The following TIAM2 variants were observed in gnomAD, a reference collection of about 807,000 sequenced individuals.
The protein encoded by TIAM2 is TIAM Rac1 associated GEF 2, also known as rho guanine nucleotide exchange factor TIAM2.
Under a neutral mutation model 152.9 loss-of-function variants are expected in TIAM2, and 80 were observed. That is an observed-to-expected ratio of 0.52 (90% CI 0.44 to 0.63). The LOEUF is 0.63. Among genes scored for constraint, TIAM2 ranks in the 30% least tolerant of loss-of-function variants. The pLI, the probability that TIAM2 is intolerant of heterozygous loss-of-function variation, is 0.00. For synonymous variants in TIAM2, 804 were observed against 838.0 expected (o/e 0.96, Z 0.70); for missense variants, 1,965 against 2,120.1 (o/e 0.93, Z 1.44).
chr6:155,211,145 G>A, intron 14 of TIAM2, 59 bp from the exon 15 acceptor site: 3 of 1,469,564 alleles, frequency 2.0e-6, no homozygotes, highest in Non-Finnish European at 2.8e-6. Flanking sequence ...TTTAAACCGG[G>A]TGTTATTATT....
intron 14 of TIAM2, among the ~76,000 whole-genome samples, chr6:155,195,194 G>C (rs1212099032): frequency 1.3e-5 from 2 of 152,212 alleles, no homozygotes; most frequent in African/African-American, 4.8e-5. Context: ...AACTAAGAAG[G>C]GAGCTGTGGC....
chr6:155,004,535 CA>C (rs1778366509), intron 1 of TIAM2, among the ~76,000 whole-genome samples: 1 of 151,970 alleles, frequency 6.6e-6, no homozygotes, highest in Non-Finnish European at 1.5e-5. Flanking sequence ...GGACTTGTTA[CA>C]GGCGCCCGCC....
chr6:155,007,553 G>A (rs1368938816), intron 1 of TIAM2, among the ~76,000 whole-genome samples: 1 of 151,986 alleles, frequency 6.6e-6, no homozygotes, highest in African/African-American at 2.4e-5. Context: ...GAATATATTA[G>A]TTATAAGCAT....
chr6:155,208,098 G>A (rs1781635694), intron 14 of TIAM2, among the ~76,000 whole-genome samples: 1 of 152,164 alleles, frequency 6.6e-6, no homozygotes, highest in Non-Finnish European at 1.5e-5. Context: ...CATGCCTGAT[G>A]TACAGCAGGG....
intron 9 of TIAM2, among the ~76,000 whole-genome samples, chr6:155,169,231 G>T (rs1780517030): frequency 6.6e-6 from 1 of 152,164 alleles, no homozygotes; most frequent in Admixed American, 6.5e-5. Flanking sequence ...TCCTGACCTT[G>T]TGATCCACCC....
intron 1 of TIAM2, among the ~76,000 whole-genome samples, chr6:155,018,830 C>A (rs556118046): frequency 6.3e-4 from 81 of 129,438 alleles, no homozygotes; most frequent in African/African-American, 2.3e-3. Flanking sequence ...CCTGAGGTCA[C>A]GAGTTCGACA....
rs7751284 is a variant in TIAM2, at chr6:155,165,774, C to T, written c.2361+365C>T. On this transcript the variant is annotated intron_variant, in intron 9 of 26. Coordinates refer to ENST00000682666, the MANE Select transcript of TIAM2 (RefSeq NM_012454.4). ...CTGTACTCCAGCCTGAGTGACAGAG[C>T]GAGACCCCGTCTCAAAAATAAAAAT... Among the ~76,000 whole-genome samples, 300 of 152,014 alleles carry T rather than the reference C, an allele frequency of 2.0e-3. 1 individual carries two copies. The highest frequency in any genetic ancestry group is 6.9e-3 in the African/African-American group (287 of 41,464).
At chr6:155,065,938 T>C (rs1171329453) in intron 1 of TIAM2, among the ~76,000 whole-genome samples, 2 of 152,210 alleles carry the variant, frequency 1.3e-5, no homozygotes, top group African/African-American at 4.8e-5. Flanking sequence ...CCAAGTTGTA[T>C]GCTGATCCAG....
chr6:155,071,311 C>T (rs926673659), intron 1 of TIAM2, among the ~76,000 whole-genome samples: 3 of 152,236 alleles, frequency 2.0e-5, no homozygotes, highest in African/African-American at 7.2e-5. Flanking sequence ...AACACCTGAA[C>T]TTACATGACT....
chr6:155,010,617 G>A (rs1428168439), intron 1 of TIAM2, among the ~76,000 whole-genome samples: 4 of 151,864 alleles, frequency 2.6e-5, no homozygotes, highest in Admixed American at 6.6e-5. Context: ...CACCATGCCC[G>A]GCTAATTTTC....
In TIAM2 at chr6:155,225,942, G is replaced by C. The variant is rs115383868; in HGVS notation, c.3169-14588G>C. 9.7e-3 allele frequency among the ~76,000 whole-genome samples: 1,477 copies of C among 152,266 alleles called. 21 individuals are homozygous for C. The highest frequency in any genetic ancestry group is 0.034 in the African/African-American group (1,400 of 41,532). On this transcript the variant is annotated intron_variant, in intron 15 of 26. Coordinates refer to ENST00000682666, the MANE Select transcript of TIAM2 (RefSeq NM_012454.4). ...GGTATCTGTGCTCACTTTAAGGCAA[G>C]TAGCCCTTGGCAGTACCCCTGCTTA...
At chr6:155,014,591 T>A (rs1324075611) in intron 1 of TIAM2, among the ~76,000 whole-genome samples, 1 of 152,212 alleles carries the variant, frequency 6.6e-6, no homozygotes, top group Non-Finnish European at 1.5e-5. Context: ...TGCTTTTGAC[T>A]CTGGTGGATG....
At chr6:155,020,559 T>C (rs1667584525) in intron 1 of TIAM2, among the ~76,000 whole-genome samples, 1 of 152,168 alleles carries the variant, frequency 6.6e-6, no homozygotes, top group African/African-American at 2.4e-5. Context: ...CCCCCTGGGT[T>C]CACATGATTC....
chr6:155,196,603 A>C (rs1422536218), intron 14 of TIAM2, among the ~76,000 whole-genome samples: 1 of 152,216 alleles, frequency 6.6e-6, no homozygotes, highest in Admixed American at 6.5e-5. Flanking sequence ...ATTCCATTAA[A>C]TTCATCAAAA....
rs186344736 is a variant in TIAM2 at position 155,009,680 on chromosome 6, C to G, written c.-209+14188C>G. 3.4e-4 allele frequency among the ~76,000 whole-genome samples: 52 copies of G among 152,096 alleles called. No homozygotes were observed. The East Asian group carries it at 9.8e-3, about 29-fold the overall frequency. ...CTACGACTTACGTGAAACCAAGACC[C>G]AAATATATAATATACAAAAGGGATG... On this transcript the variant is annotated intron_variant, in intron 1 of 26. Transcript: ENST00000682666.
intron 25 of TIAM2, 156 bp downstream of exon 25, chr6:155,254,216 A>G (rs1186406702): frequency 2.0e-6 from 2 of 978,860 alleles, no homozygotes; most frequent in Non-Finnish European, 1.5e-6. Context: ...GTAGGAGACT[A>G]TGTTGATTAA....
chr6:155,155,125 G>GTTATTTT (rs928356568), intron 7 of TIAM2, among the ~76,000 whole-genome samples: 23 of 152,192 alleles, frequency 1.5e-4, no homozygotes, highest in African/African-American at 4.6e-4. Flanking sequence ...TGGTGAAAGT[G>GTTATTTT]TTATTTTTTA....
At chr6:155,252,683 C>T (rs895438034) in intron 23 of TIAM2, among the ~76,000 whole-genome samples, 4 of 152,154 alleles carry the variant, frequency 2.6e-5, no homozygotes, top group Non-Finnish European at 4.4e-5. Flanking sequence ...TCAGAGGCAG[C>T]GTCAGGGCGT....
intron 1 of TIAM2, among the ~76,000 whole-genome samples, chr6:155,089,576 G>A (rs12207246): frequency 0.11 from 16,487 of 152,142 alleles, 1,102 homozygotes; most frequent in Admixed American, 0.2. Flanking sequence ...TCCAGAATCC[G>A]TAACAATGGC....
Sources: gnomAD v4.1 joint callset for allele counts (sites outside exome capture counted in the v4.1 genomes callset) on GRCh38, gnomAD v4.1.1 for gene constraint, MANE v1.5 for transcripts, NCBI Gene and HGNC (gene_info 2026-07-23, HGNC 2026-07-21) for gene names.